The following DENND1B variants were observed in gnomAD, a reference collection of about 807,000 sequenced individuals.
DENND1B encodes the protein DENN domain containing 1B, also known as DENN domain-containing protein 1B.
In DENND1B, 59 loss-of-function variants were observed where a neutral mutation model predicts 90.1. The observed-to-expected ratio is 0.65, with a 90% CI of 0.53 to 0.81. DENND1B has a LOEUF of 0.81. DENND1B is among the 40% of genes least tolerant of loss of function. The pLI, the probability that DENND1B is intolerant of heterozygous loss-of-function variation, is 0.00. For missense variants in DENND1B, 862 were observed against 912.6 expected (o/e 0.94, Z 0.71); for synonymous variants, 337 against 324.6 (o/e 1.04, Z -0.41).
rs141198515 is a variant in DENND1B, at chr1:197,706,780, T to C, written c.126+8251A>G. On this transcript the variant is annotated intron_variant, in intron 3 of 22. Transcript: ENST00000620048. ...CATCAAAGAGACAAAAACTAACAAATGCTGGCAAGGAGGCAGAGAAAGGGG... is the reference window on the plus strand; with the variant it reads ...CATCAAAGAGACAAAAACTAACAAACGCTGGCAAGGAGGCAGAGAAAGGGG... 6.8e-4 allele frequency among the ~76,000 whole-genome samples: 104 copies of C among 152,178 alleles called. No homozygotes were observed. In the East Asian group the frequency reaches 0.02, roughly 29 times the overall value.
At chr1:197,554,100 TACACACACACACAC>T (rs4026509) in intron 15 of DENND1B, among the ~76,000 whole-genome samples, 353 of 140,060 alleles carry the variant, frequency 2.5e-3, no homozygotes, top group South Asian at 3.9e-3. Flanking sequence ...TCAATGATTA[TACACACACACACAC>T]ACACACACAC....
chr1:197,767,268 A>T (rs1466582644), intron 2 of DENND1B, among the ~76,000 whole-genome samples: 3 of 152,024 alleles, frequency 2.0e-5, no homozygotes, highest in Non-Finnish European at 4.4e-5. Context: ...ACATATCTAT[A>T]ATAGTACAAT....
intron 3 of DENND1B, among the ~76,000 whole-genome samples, chr1:197,713,801 T>TATTATA (rs1483373450): frequency 3.1e-5 from 1 of 32,586 alleles, no homozygotes; most frequent in Admixed American, 6.6e-4. Context: ...TATTATTATA[T>TATTATA]TATAATATAT....
At chr1:197,663,174 ATTTG>A (rs765899812) in intron 5 of DENND1B, among the ~76,000 whole-genome samples, 4 of 152,074 alleles carry the variant, frequency 2.6e-5, no homozygotes, top group Non-Finnish European at 5.9e-5. Context: ...TCTGCACATA[ATTTG>A]TTTGTGAAAT....
intron 2 of DENND1B, among the ~76,000 whole-genome samples, chr1:197,747,652 A>G (rs373516538): frequency 2.6e-5 from 4 of 152,244 alleles, no homozygotes; most frequent in African/African-American, 9.6e-5. Flanking sequence ...AATACCTAAA[A>G]AGCACAACAA....
intron 2 of DENND1B, among the ~76,000 whole-genome samples, chr1:197,755,978 A>T (rs146527297): frequency 1.1e-3 from 160 of 152,370 alleles, no homozygotes; most frequent in African/African-American, 3.8e-3. Context: ...GAGCCAACCC[A>T]TATCAGTAGT....
chr1:197,755,537 T>C (rs976560362), intron 2 of DENND1B, among the ~76,000 whole-genome samples: 2 of 152,002 alleles, frequency 1.3e-5, no homozygotes, highest in Non-Finnish European at 2.9e-5. Flanking sequence ...AAGAAATATA[T>C]GCAGACAATA....
Position 197,764,029 on chromosome 1 carries a change from T to A in DENND1B, c.82+8839A>T, listed in dbSNP as rs116389006. On this transcript the variant is annotated intron_variant, in intron 2 of 22. Coordinates refer to ENST00000620048, the MANE Select transcript of DENND1B (RefSeq NM_001195215.2). ...ATGTCTGTTAAGAATATCACAACAA[T>A]TCTGGTCAAGCCTAGAATCAGTCAG... is the stretch of plus-strand genomic sequence containing the variant. Among the ~76,000 whole-genome samples, 486 of 152,336 alleles carry A rather than the reference T, an allele frequency of 3.2e-3. 1 individual carries two copies. The highest frequency in any genetic ancestry group is 0.011 in the African/African-American group (467 of 41,580).
chr1:197,774,423 T>G (rs1226275256), intron 1 of DENND1B: 4 of 152,092 alleles, frequency 2.6e-5, no homozygotes, highest in Admixed American at 2.0e-4. Flanking sequence ...AAGAAAAATA[T>G]AAAACTCATG....
At chr1:197,641,150 A>G (rs569984776) in intron 10 of DENND1B, among the ~76,000 whole-genome samples, 1 of 152,360 alleles carries the variant, frequency 6.6e-6, no homozygotes, top group Non-Finnish European at 1.5e-5. Flanking sequence ...TGCCTGGCAC[A>G]TAGTATGTGC....
At chr1:197,723,730 T>C (rs1177786275) in intron 2 of DENND1B, among the ~76,000 whole-genome samples, 1 of 152,112 alleles carries the variant, frequency 6.6e-6, no homozygotes, top group East Asian at 1.9e-4. Context: ...TTTATTATGA[T>C]TCCTTTAAGG....
At chr1:197,593,614 C>T (rs1053232661) in intron 14 of DENND1B, among the ~76,000 whole-genome samples, 6 of 151,874 alleles carry the variant, frequency 4.0e-5, no homozygotes, top group Admixed American at 3.3e-4. Flanking sequence ...ATGAAATCTA[C>T]AGTAACTAAT....
chr1:197,624,956 A>G (rs1301964580), intron 10 of DENND1B, among the ~76,000 whole-genome samples: 1 of 151,960 alleles, frequency 6.6e-6, no homozygotes, highest in East Asian at 1.9e-4. Flanking sequence ...GCAAGAAGGG[A>G]AATTTAGAGA....
chr1:197,559,922 C>G (rs1193841434), intron 15 of DENND1B, among the ~76,000 whole-genome samples: 1 of 151,798 alleles, frequency 6.6e-6, no homozygotes, highest in Non-Finnish European at 1.5e-5. Flanking sequence ...TAGGTCAGCT[C>G]AAACTAAGAA....
chr1:197,735,590 A>C (rs1450498631), intron 2 of DENND1B: 2 of 1,614,040 alleles, frequency 1.2e-6, no homozygotes, highest in African/African-American at 1.3e-5. Flanking sequence ...TATTACTCGA[A>C]AATACAGGTT....
At chr1:197,684,621 A>G (rs1374924257) in intron 3 of DENND1B, among the ~76,000 whole-genome samples, 1 of 152,196 alleles carries the variant, frequency 6.6e-6, no homozygotes, top group East Asian at 1.9e-4. Flanking sequence ...TATCTGCCAT[A>G]GATTGTTCTA....
At chr1:197,581,321 A>G (rs1452804892) in intron 15 of DENND1B, among the ~76,000 whole-genome samples, 2 of 152,198 alleles carry the variant, frequency 1.3e-5, no homozygotes, top group African/African-American at 4.8e-5. Context: ...TTGTGCAAGT[A>G]AGACTATCCA....
At chr1:197,750,859 A>G (rs1161311970) in intron 2 of DENND1B, among the ~76,000 whole-genome samples, 1 of 152,198 alleles carries the variant, frequency 6.6e-6, no homozygotes, top group Non-Finnish European at 1.5e-5. Flanking sequence ...GAGAAATTTC[A>G]TATGTTAAAA....
intron 20 of DENND1B, among the ~76,000 whole-genome samples, chr1:197,527,320 T>TG (rs954162498): frequency 1.8e-4 from 27 of 151,268 alleles, no homozygotes; most frequent in African/African-American, 6.3e-4. Flanking sequence ...TTGTTTTTGT[T>TG]TTTTTTCTGA....
Sources: allele counts gnomAD v4.1 joint callset (sites outside exome capture counted in the v4.1 genomes callset), GRCh38; gene constraint gnomAD v4.1.1; transcripts MANE v1.5; gene names NCBI Gene and HGNC (gene_info 2026-07-23, HGNC 2026-07-21).